ERBB4: variants seen among roughly 807,000 people sequenced by gnomAD.
The protein encoded by ERBB4 is receptor tyrosine-protein kinase erbB-4.
A neutral mutation model predicts 158.0 loss-of-function variants in ERBB4; 42 were observed. That is an observed-to-expected ratio of 0.27 (90% CI 0.21 to 0.34). The LOEUF (loss-of-function observed/expected upper bound fraction) is 0.34. ERBB4 is among the 10% of genes least tolerant of loss of function. The pLI, the probability that ERBB4 is intolerant of heterozygous loss-of-function variation, is 1.00. For missense variants in ERBB4, 1,333 were observed against 1,624.1 expected (o/e 0.82, Z 3.08); for synonymous variants, 583 against 558.7 (o/e 1.04, Z -0.61).
In ERBB4 at chr2:212,286,598, T is replaced by TTTTTTTTTTTTTTTG. The variant is rs1559928453; in HGVS notation, c.83-161696_83-161695insCAAAAAAAAAAAAAA. 2.0e-4 allele frequency among the ~76,000 whole-genome samples: 15 copies of TTTTTTTTTTTTTTTG among 74,392 alleles called. 1 individual carries two copies. The highest frequency in any genetic ancestry group is 8.8e-4 in the African/African-American group (11 of 12,438). The allele number at this position is 74,392 out of a possible 152,430, so 48.8% of individuals were successfully genotyped here. The stretch of plus-strand genomic sequence containing the variant: ...AGATGATTACATAAGTGCTGACTTT[T>TTTTTTTTTTTTTTTG]TTTTTTTTTTTTTTTTTTTTTTGAC... On this transcript the variant is annotated intron_variant, in intron 1 of 27. Coordinates refer to ENST00000342788, the MANE Select transcript of ERBB4 (RefSeq NM_005235.3).
chr2:211,925,241 G>T (rs551932513), intron 3 of ERBB4, among the ~76,000 whole-genome samples: 58 of 152,182 alleles, frequency 3.8e-4, no homozygotes, highest in African/African-American at 1.4e-3. Context: ...TATTAGTTGA[G>T]ACTTTACCAA....
intron 1 of ERBB4, among the ~76,000 whole-genome samples, chr2:212,263,216 G>A (rs1315796380): frequency 6.6e-6 from 1 of 152,020 alleles, no homozygotes; most frequent in Non-Finnish European, 1.5e-5. Flanking sequence ...CTGCTTGAGA[G>A]CTTCCAAAGG....
At chr2:212,051,442 T>A (rs1383471156) in intron 2 of ERBB4, among the ~76,000 whole-genome samples, 1 of 152,136 alleles carries the variant, frequency 6.6e-6, no homozygotes, top group East Asian at 1.9e-4. Context: ...GACTTTTATT[T>A]TTAAGGTTCT....
At chr2:212,451,331 T>G (rs2092442906) in intron 1 of ERBB4, among the ~76,000 whole-genome samples, 1 of 152,216 alleles carries the variant, frequency 6.6e-6, no homozygotes, top group South Asian at 2.1e-4. Context: ...TATCATAATG[T>G]TGGAAAAATC....
At position 212,368,772 on chromosome 2, in the gene ERBB4, TG is replaced by T. The variant is rs1194097061; in HGVS notation, c.82+169676del. ...ATGCCCAGAGAAACCATACTATTCT[TG>T]GTAATCATAACCAATCAGTGGGAAT... On this transcript the variant is annotated intron_variant, in intron 1 of 27. Coordinates refer to ENST00000342788, the MANE Select transcript of ERBB4 (RefSeq NM_005235.3). Among the ~76,000 whole-genome samples, 4 of 152,124 alleles carry T rather than the reference TG, an allele frequency of 2.6e-5. No homozygotes were observed. The East Asian group carries it at 7.7e-4, about 29-fold the overall frequency.
intron 20 of ERBB4, among the ~76,000 whole-genome samples, chr2:211,486,674 A>AC (rs1221169063): frequency 1.3e-5 from 2 of 151,976 alleles, no homozygotes; most frequent in African/African-American, 2.4e-5. Context: ...ACCATCCATG[A>AC]CCCTGTGCAA....
At chr2:211,799,059 G>C (rs1180294952) in intron 3 of ERBB4, among the ~76,000 whole-genome samples, 1 of 152,078 alleles carries the variant, frequency 6.6e-6, no homozygotes, top group African/African-American at 2.4e-5. Context: ...CAATCTCCAG[G>C]TGGCCTTTAC....
intron 2 of ERBB4, among the ~76,000 whole-genome samples, chr2:211,963,874 G>A (rs1040152427): frequency 6.6e-6 from 1 of 152,060 alleles, no homozygotes; most frequent in Admixed American, 6.6e-5. Context: ...GAAAGGTTAT[G>A]TTTTATAGTC....
At chr2:211,946,606 G>C (rs1397409263) in intron 3 of ERBB4, among the ~76,000 whole-genome samples, 3 of 11,190 alleles carry the variant, frequency 2.7e-4, no homozygotes, top group Non-Finnish European at 5.6e-4. Context: ...TTTTTTTTTT[G>C]AGATGGAGTT....
At chr2:211,798,753 T>G (rs1173453057) in intron 3 of ERBB4, among the ~76,000 whole-genome samples, 1 of 152,100 alleles carries the variant, frequency 6.6e-6, no homozygotes, top group Non-Finnish European at 1.5e-5. Context: ...CATAACAATT[T>G]TAGAGATAGA....
intron 20 of ERBB4, among the ~76,000 whole-genome samples, chr2:211,471,619 C>T (rs972573430): frequency 1.1e-4 from 16 of 152,170 alleles, no homozygotes; most frequent in Non-Finnish European, 2.1e-4. Context: ...GATTTGATGT[C>T]AAGTGTGGCT....
Position 211,580,853 on chromosome 2 carries a change from TAG to T in ERBB4, c.2302-18767_2302-18766del, listed in dbSNP as rs1559317399. ...ATATATAGATTATATATTATATATA[TAG>T]TATGCATATACATATATATATATAT... On this transcript the variant is annotated intron_variant, in intron 19 of 27. Transcript: ENST00000342788. Among the ~76,000 whole-genome samples, 10 of 26,454 alleles carry T rather than the reference TAG, an allele frequency of 3.8e-4. 3 individuals carry two copies. Among genetic ancestry groups the T allele is most frequent in the African/African-American group, 5.9e-4 (10 of 16,810 alleles). The allele number at this position is 26,454 out of a possible 152,430, so 17.4% of individuals were successfully genotyped here. A position where few individuals can be genotyped will look rare whatever the true frequency, so the allele number is the denominator to read the frequency against.
At chr2:211,908,733 T>C (rs114630898) in intron 3 of ERBB4, among the ~76,000 whole-genome samples, 2,181 of 151,816 alleles carry the variant, frequency 0.014, 58 homozygotes, top group African/African-American at 0.049. Context: ...TTGTAGCAAA[T>C]TGTTCTCACC....
chr2:212,044,228 T>C (rs1025419617), intron 2 of ERBB4, among the ~76,000 whole-genome samples: 10 of 152,266 alleles, frequency 6.6e-5, no homozygotes, highest in African/African-American at 2.2e-4. Context: ...TATAGTCGTT[T>C]AAAATATAGA....
intron 6 of ERBB4, among the ~76,000 whole-genome samples, chr2:211,724,118 G>T (rs1475258613): frequency 6.6e-6 from 1 of 152,176 alleles, no homozygotes; most frequent in African/African-American, 2.4e-5. Flanking sequence ...ATGAAAGACA[G>T]AGGAAGGTTC....
chr2:212,399,411 T>C (rs2091125820), intron 1 of ERBB4, among the ~76,000 whole-genome samples: 1 of 151,630 alleles, frequency 6.6e-6, no homozygotes, highest in Non-Finnish European at 1.5e-5. Flanking sequence ...AGGGGTTATT[T>C]ACTTTAACAT....
intron 1 of ERBB4, among the ~76,000 whole-genome samples, chr2:212,309,927 G>A (rs142730360): frequency 0.017 from 2,559 of 150,512 alleles, 36 homozygotes; most frequent in Non-Finnish European, 0.023. Context: ...TACTAAAATT[G>A]TATATCAACA....
Position 212,538,553 on chromosome 2 carries a change from T to A in ERBB4, c.-23A>T. The stretch of plus-strand genomic sequence containing the variant: ...CATTTTTTGGAAGTCTCAGATCCCG[T>A]GCTGACAATTACATGTCCAAATGGC... On this transcript the variant is annotated 5_prime_UTR_variant, in exon 1 of 28. Coordinates refer to ENST00000342788, the MANE Select transcript of ERBB4 (RefSeq NM_005235.3). 1 of 1,606,808 alleles carries A rather than the reference T, an allele frequency of 6.2e-7. No individual in the cohort carries two copies. Among genetic ancestry groups the A allele is most frequent in the Non-Finnish European group, 8.5e-7 (1 of 1,173,276 alleles).
chr2:211,535,170 CT>C (rs2066611747), intron 20 of ERBB4, among the ~76,000 whole-genome samples: 1 of 151,744 alleles, frequency 6.6e-6, no homozygotes, highest in Admixed American at 6.6e-5. Context: ...TATGTGGCAC[CT>C]TTTGTGGCTT....
Sources: gnomAD v4.1 joint callset for allele counts (sites outside exome capture counted in the v4.1 genomes callset) on GRCh38, gnomAD v4.1.1 for gene constraint, MANE v1.5 for transcripts, NCBI Gene and HGNC (gene_info 2026-07-23, HGNC 2026-07-21) for gene names.